The following SDK1 variants were observed in gnomAD, a reference collection of about 807,000 sequenced individuals.
SDK1 encodes sidekick cell adhesion molecule 1.
A neutral mutation model predicts 245.5 loss-of-function variants in SDK1; 157 were observed. That is an observed-to-expected ratio of 0.64 (90% CI 0.56 to 0.73). The LOEUF (loss-of-function observed/expected upper bound fraction) is 0.73, where lower values mean the gene tolerates loss of function less well. Among genes scored for constraint, SDK1 ranks in the 30% least tolerant of loss-of-function variants. The pLI is 0.00. For missense variants in SDK1, 3,583 were observed against 3,002.3 expected, an observed-to-expected ratio of 1.19 and a Z score of -4.52; for synonymous variants, 1,647 against 1,278.5, an observed-to-expected ratio of 1.29 and a Z score of -6.15.
At chr7:3,452,733 AT>A in intron 1 of SDK1, among the ~76,000 whole-genome samples, 1 of 152,166 alleles carries the variant, frequency 6.6e-6, no homozygotes, top group African/African-American at 2.4e-5. Context: ...TTTGTGTGGA[AT>A]TTCCCTCCCC....
intron 1 of SDK1, among the ~76,000 whole-genome samples, chr7:3,480,242 T>C (rs1291697659): frequency 2.6e-5 from 4 of 152,184 alleles, no homozygotes; most frequent in African/African-American, 9.7e-5. Context: ...CATTGCTGGC[T>C]GTGAAGATGG....
At chr7:3,370,368 A>C (rs1402302741) in intron 1 of SDK1, among the ~76,000 whole-genome samples, 1 of 152,246 alleles carries the variant, frequency 6.6e-6, no homozygotes, top group Admixed American at 6.5e-5. Flanking sequence ...AAACAATTGC[A>C]GTCAGTTGTT....
At chr7:3,661,304 G>C (rs537815455) in intron 4 of SDK1, among the ~76,000 whole-genome samples, 1 of 152,182 alleles carries the variant, frequency 6.6e-6, no homozygotes, top group African/African-American at 2.4e-5. Context: ...AACATTGCTG[G>C]ATTAAATTTT....
chr7:4,071,976 C>G (rs905104814), intron 20 of SDK1, among the ~76,000 whole-genome samples: 3 of 152,176 alleles, frequency 2.0e-5, no homozygotes, highest in African/African-American at 7.2e-5. Context: ...CACTTCTTTC[C>G]TGTTTAAAGC....
At chr7:3,615,830 G>T (rs1030133395) in intron 1 of SDK1, among the ~76,000 whole-genome samples, 2 of 143,608 alleles carry the variant, frequency 1.4e-5, no homozygotes, top group East Asian at 3.9e-4. Context: ...CAGCCAGAAT[G>T]TTCTTTTAAC....
At chr7:4,006,158 G>C (rs1314911601) in intron 14 of SDK1, among the ~76,000 whole-genome samples, 1 of 152,034 alleles carries the variant, frequency 6.6e-6, no homozygotes, top group African/African-American at 2.4e-5. Flanking sequence ...CTTTTTTATT[G>C]GAAAAAGCTT....
At chr7:3,788,668 GA>G (rs1393879244) in intron 4 of SDK1, among the ~76,000 whole-genome samples, 1 of 152,056 alleles carries the variant, frequency 6.6e-6, no homozygotes, top group African/African-American at 2.4e-5. Flanking sequence ...GATGTGCTAG[GA>G]AAAAAATCTC....
rs1273737885 is a variant in SDK1, at chr7:3,465,473, C to A, written c.299-153607C>A. 3.9e-5 allele frequency among the ~76,000 whole-genome samples: 6 copies of A among 152,184 alleles called. No individual in the cohort carries two copies. In the East Asian group the frequency reaches 1.2e-3, roughly 29 times the overall value. On this transcript the variant is annotated intron_variant, in intron 1 of 44. Coordinates refer to ENST00000404826, the MANE Select transcript of SDK1 (RefSeq NM_152744.4). ...GAAGTGTTTCCACTAGGGATACTCT[C>A]TTGTGCCTCACATTAGTGTGTCCTG... is the stretch of plus-strand genomic sequence containing the variant.
At chr7:3,307,886 G>T (rs1779458118) in intron 1 of SDK1, among the ~76,000 whole-genome samples, 1 of 152,112 alleles carries the variant, frequency 6.6e-6, no homozygotes, top group Non-Finnish European at 1.5e-5. Flanking sequence ...TCTTCTATAT[G>T]TTGTCTTCCT....
Position 4,123,206 on chromosome 7 carries a change from C to T in SDK1, c.3824-4175C>T, listed in dbSNP as rs13438561. Among the ~76,000 whole-genome samples the T allele has an allele frequency of 7.4e-3, 1,121 of 152,310 alleles. 16 individuals carry two copies. Among genetic ancestry groups the T allele is most frequent in the African/African-American group, 0.026 (1,075 of 41,560 alleles). ...AAGTAGACCATTTGTGTTGCTATGACAATGGCCTCTCTTTTTGCAGACAGG... is the reference window on the plus strand; with the variant it reads ...AAGTAGACCATTTGTGTTGCTATGATAATGGCCTCTCTTTTTGCAGACAGG... On this transcript the variant is annotated intron_variant, in intron 25 of 44. Transcript: ENST00000404826.
chr7:3,862,375 C>G (rs991626908), intron 5 of SDK1, among the ~76,000 whole-genome samples: 1 of 152,150 alleles, frequency 6.6e-6, no homozygotes, highest in Non-Finnish European at 1.5e-5. Context: ...GGTGCAGTCT[C>G]GGTCTGTGTT....
intron 1 of SDK1, among the ~76,000 whole-genome samples, chr7:3,461,970 T>A (rs1364262203): frequency 6.6e-6 from 1 of 152,192 alleles, no homozygotes. Context: ...AAGACTCTTC[T>A]GTATTAAAAA....
At chr7:3,594,619 G>C (rs1268674560) in intron 1 of SDK1, among the ~76,000 whole-genome samples, 2 of 152,058 alleles carry the variant, frequency 1.3e-5, no homozygotes, top group South Asian at 4.2e-4. Context: ...TTGTCTTTTT[G>C]ATTCTAGTCA....
chr7:4,031,966 G>A (rs1787851520), intron 17 of SDK1, among the ~76,000 whole-genome samples: 1 of 150,968 alleles, frequency 6.6e-6, no homozygotes, highest in Non-Finnish European at 1.5e-5. Context: ...GGCAGAGGTT[G>A]CAGTGAGTTG....
intron 5 of SDK1, among the ~76,000 whole-genome samples, chr7:3,931,604 C>T (rs1197645955): frequency 6.6e-6 from 1 of 152,214 alleles, no homozygotes; most frequent in African/African-American, 2.4e-5. Context: ...ATGTGGGGTA[C>T]ACCCTAAGCT....
rs946323502 is a variant in SDK1, at chr7:3,970,833, A to G, written c.1715-633A>G. On this transcript the variant is annotated intron_variant, in intron 11 of 44. Coordinates refer to ENST00000404826, the MANE Select transcript of SDK1 (RefSeq NM_152744.4). ...TAGCAGAGGTCAGGCTTGCCCTCGA[A>G]CTTAGCCTTGTGACTCCGAAGTTCT... 6.3e-4 allele frequency among the ~76,000 whole-genome samples: 96 copies of G among 152,304 alleles called. 1 individual carries two copies. Among genetic ancestry groups the G allele is most frequent in the African/African-American group, 2.1e-3 (89 of 41,572 alleles).
intron 4 of SDK1, among the ~76,000 whole-genome samples, chr7:3,780,765 T>C (rs1174527096): frequency 6.6e-6 from 1 of 151,892 alleles, no homozygotes; most frequent in Non-Finnish European, 1.5e-5. Context: ...CCTGGCATTT[T>C]GGATAAATGC....
chr7:3,881,866 A>T (rs1208714919), intron 5 of SDK1, among the ~76,000 whole-genome samples: 1 of 152,170 alleles, frequency 6.6e-6, no homozygotes, highest in Non-Finnish European at 1.5e-5. Flanking sequence ...CTTCACATTG[A>T]GGGATGGGCT....
At chr7:3,412,995 A>T (rs907399318) in intron 1 of SDK1, among the ~76,000 whole-genome samples, 1 of 152,214 alleles carries the variant, frequency 6.6e-6, no homozygotes, top group Non-Finnish European at 1.5e-5. Context: ...GTAAATAAAC[A>T]AGATTATTCC....
Sources: gnomAD v4.1 joint callset for allele counts (sites outside exome capture counted in the v4.1 genomes callset) on GRCh38, gnomAD v4.1.1 for gene constraint, MANE v1.5 for transcripts, NCBI Gene and HGNC (gene_info 2026-07-23, HGNC 2026-07-21) for gene names.